Variants in LAMA2 observed in about 807,000 individuals in gnomAD.
The protein encoded by LAMA2 is laminin subunit alpha 2.
Under a neutral mutation model 364.8 loss-of-function variants are expected in LAMA2, and 269 were observed. That is an observed-to-expected ratio of 0.74 (90% CI 0.67 to 0.82). The LOEUF is 0.82. LAMA2 is among the 40% of genes least tolerant of loss of function. LAMA2 has a pLI of 0.00. For missense variants in LAMA2, 3,807 were observed against 3,873.2 expected (o/e 0.98, Z 0.45); for synonymous variants, 1,379 against 1,370.6 (o/e 1.01, Z -0.14).
At chr6:129,246,349 T>C (rs1480421143) in intron 12 of LAMA2, among the ~76,000 whole-genome samples, 2 of 152,232 alleles carry the variant, frequency 1.3e-5, no homozygotes, top group East Asian at 3.8e-4. Flanking sequence ...AAGTGGAATA[T>C]AGCATGTTCT....
intron 1 of LAMA2, among the ~76,000 whole-genome samples, chr6:128,920,735 G>A (rs895900000): frequency 6.6e-5 from 10 of 150,910 alleles, no homozygotes; most frequent in Non-Finnish European, 1.3e-4. Context: ...ATGTATATGA[G>A]AGTATGTGTG....
intron 34 of LAMA2, among the ~76,000 whole-genome samples, chr6:129,371,805 C>T (rs1778101648): frequency 6.6e-6 from 1 of 151,842 alleles, no homozygotes; most frequent in African/African-American, 2.4e-5. Context: ...AGACGGGTTT[C>T]ACCATGTTCG....
At chr6:129,427,912 T>C (rs1307438480) in intron 41 of LAMA2, 58 bp downstream of exon 41, 8 of 1,016,122 alleles carry the variant, frequency 7.9e-6, no homozygotes, top group Non-Finnish European at 1.3e-5. Flanking sequence ...ACTGATAAGA[T>C]ATTCTATCAC....
chr6:129,274,259 A>G (rs144558104), intron 17 of LAMA2, among the ~76,000 whole-genome samples: 2 of 151,954 alleles, frequency 1.3e-5, no homozygotes, highest in African/African-American at 4.8e-5. Flanking sequence ...AAAAAAAATC[A>G]CTAAACAAGA....
intron 35 of LAMA2, among the ~76,000 whole-genome samples, chr6:129,390,894 C>T (rs184355682): frequency 6.6e-6 from 1 of 152,234 alleles, no homozygotes; most frequent in Admixed American, 6.5e-5. Context: ...AACACAGACC[C>T]TTGTGAAGGA....
At chr6:129,368,442 C>T (rs954374097) in intron 33 of LAMA2, among the ~76,000 whole-genome samples, 3 of 152,172 alleles carry the variant, frequency 2.0e-5, no homozygotes, top group Non-Finnish European at 4.4e-5. Flanking sequence ...GCAGAGGAAC[C>T]TGAGTTTACC....
intron 8 of LAMA2, chr6:129,158,807 C>T (rs1433073489): frequency 1.2e-6 from 2 of 1,614,134 alleles, no homozygotes. Context: ...AAAATCAGAT[C>T]CTTCATATTT....
At chr6:129,450,193 C>T (rs1782604853) in intron 45 of LAMA2, among the ~76,000 whole-genome samples, 2 of 151,666 alleles carry the variant, frequency 1.3e-5, no homozygotes. Flanking sequence ...TAAGCAATGA[C>T]TGAAATTCAT....
At chr6:129,463,154 C>T (rs1783345960) in intron 49 of LAMA2, among the ~76,000 whole-genome samples, 1 of 151,972 alleles carries the variant, frequency 6.6e-6, no homozygotes, top group Non-Finnish European at 1.5e-5. Context: ...TAGAACGTAG[C>T]TGCTCCAAAA....
chr6:129,443,127 A>G, intron 44 of LAMA2, 59 bp downstream of exon 44: 1 of 1,328,604 alleles, frequency 7.5e-7, no homozygotes, highest in Non-Finnish European at 1.1e-6. Context: ...TGCCTATTGC[A>G]AAAAGTTTCA....
At chr6:129,368,657 G>C (rs1777908390) in intron 33 of LAMA2, among the ~76,000 whole-genome samples, 1 of 152,172 alleles carries the variant, frequency 6.6e-6, no homozygotes, top group Admixed American at 6.5e-5. Context: ...TCCAATTTGT[G>C]AACATCTTCT....
At chr6:129,354,152 A>T (rs1777024431) in intron 32 of LAMA2, among the ~76,000 whole-genome samples, 1 of 152,206 alleles carries the variant, frequency 6.6e-6, no homozygotes, top group Admixed American at 6.5e-5. Context: ...TGTGCATGTC[A>T]ACATTTCTTG....
At chr6:129,320,484 A>G in intron 27 of LAMA2, 54 bp from the exon 28 acceptor site, 1 of 987,788 alleles carries the variant, frequency 1.0e-6, no homozygotes, top group Admixed American at 1.7e-5. Flanking sequence ...ATTGTTTACT[A>G]GGTGATCTTA....
chr6:129,196,726 A>G (rs1469235959), intron 12 of LAMA2, among the ~76,000 whole-genome samples: 1 of 152,218 alleles, frequency 6.6e-6, no homozygotes, highest in African/African-American at 2.4e-5. Flanking sequence ...GAAGAATGGT[A>G]TGGCTATAAA....
At position 129,403,907 on chromosome 6, in the gene LAMA2, C is replaced by T. The variant is rs376585927; in HGVS notation, c.5813C>T (p.Ala1938Val). The change falls in exon 40 of 65, where the codon GCT becomes GTT. Residue 1938 changes from alanine (A) to valine (V), a missense_variant. Ala to Val is a moderately conservative substitution (Grantham distance 64). Around this residue, in one of 3 missense-constraint regions of LAMA2, gnomAD observed 3,333 missense variants for 3,345.7 expected, o/e 1.00. Transcript: ENST00000421865. The part of the protein sequence containing the change: ...YSNIKDYIDE[A>V]EKVAKEAKDL... ...AATATTAAGGACTATATTGATGAAGCTGAGAAAGTTGCCAAAGAAGCCAAA... is the reference window on the plus strand; with the variant it reads ...AATATTAAGGACTATATTGATGAAGTTGAGAAAGTTGCCAAAGAAGCCAAA... 1.8e-5 allele frequency: 29 copies of T among 1,613,746 alleles called. No homozygotes were observed. The highest frequency in any genetic ancestry group is 2.5e-5 in the Non-Finnish European group (29 of 1,179,870).
At chr6:128,963,569 A>G (rs888541769) in intron 1 of LAMA2, among the ~76,000 whole-genome samples, 1 of 152,128 alleles carries the variant, frequency 6.6e-6, no homozygotes, top group Non-Finnish European at 1.5e-5. Context: ...ATGTTACATC[A>G]AAGGAAGAGT....
intron 21 of LAMA2, among the ~76,000 whole-genome samples, chr6:129,299,018 T>C (rs1040284738): frequency 2.0e-5 from 3 of 152,080 alleles, no homozygotes; most frequent in Admixed American, 2.0e-4. Context: ...GAGGTAGTAT[T>C]ATACATTTAA....
At chr6:129,162,552 A>G in intron 8 of LAMA2, among the ~76,000 whole-genome samples, 1 of 151,878 alleles carries the variant, frequency 6.6e-6, no homozygotes, top group Non-Finnish European at 1.5e-5. Context: ...TTATTGAAGG[A>G]TATTTTCCAC....
At chr6:129,182,778 G>A (rs1781006494) in intron 10 of LAMA2, among the ~76,000 whole-genome samples, 1 of 151,634 alleles carries the variant, frequency 6.6e-6, no homozygotes, top group Non-Finnish European at 1.5e-5. Context: ...AGTGAAATGA[G>A]ATTCATTTGT....
Sources: gnomAD v4.1 joint callset for allele counts (sites outside exome capture counted in the v4.1 genomes callset) on GRCh38, gnomAD v4.1.1 for gene constraint, gnomAD v4.1.1 regional missense constraint, MANE v1.5 for transcripts, NCBI Gene and HGNC (gene_info 2026-07-23, HGNC 2026-07-21) for gene names.